ADGRG7: variants seen among roughly 807,000 people sequenced by gnomAD.
ADGRG7 encodes adhesion G protein-coupled receptor G7.
ADGRG7 carries 82 observed loss-of-function variants against 88.6 expected under a neutral mutation model. The ratio of observed to expected loss-of-function variants is 0.93; its 90% CI spans 0.77 to 1.11. ADGRG7 has a LOEUF of 1.11. Ranked by LOEUF, ADGRG7 falls within the 50% of genes most tolerant of loss-of-function variation. ADGRG7 has a pLI of 0.00. For synonymous variants in ADGRG7, 381 were observed against 345.2 expected (o/e 1.10, Z -1.15); for missense variants, 945 against 953.4 (o/e 0.99, Z 0.12).
At chr3:100,621,209 C>T (rs927485044) in intron 1 of ADGRG7, among the ~76,000 whole-genome samples, 26 of 152,164 alleles carry the variant, frequency 1.7e-4, no homozygotes, top group Middle Eastern at 3.4e-3. Context: ...ATTAATAATC[C>T]TACAATGGCC....
At chr3:100,676,918 T>G (rs2094966205) in intron 15 of ADGRG7, among the ~76,000 whole-genome samples, 1 of 152,024 alleles carries the variant, frequency 6.6e-6, no homozygotes, top group Non-Finnish European at 1.5e-5. Flanking sequence ...TAGAGCTACT[T>G]CTGCTCTTTT....
intron 15 of ADGRG7, among the ~76,000 whole-genome samples, chr3:100,679,206 C>G (rs1323922334): frequency 2.6e-5 from 4 of 152,210 alleles, no homozygotes; most frequent in African/African-American, 9.6e-5. Context: ...CATCCCCCAA[C>G]CTTTCCTCAA....
intron 1 of ADGRG7, among the ~76,000 whole-genome samples, chr3:100,611,721 C>T (rs988521441): frequency 1.3e-5 from 2 of 152,130 alleles, no homozygotes; most frequent in Non-Finnish European, 2.9e-5. Flanking sequence ...GGGGTAAACC[C>T]GATGGAAAAG....
rs577079950 is a variant in ADGRG7 at position 100,610,028 on chromosome 3, C to A, written c.115+57C>A. On this transcript the variant is annotated intron_variant, in intron 1 of 15. Coordinates refer to ENST00000273352, the MANE Select transcript of ADGRG7 (RefSeq NM_032787.3). ...TAAGAGAAGGTATGGGACCTCTGTCCCTGCCACCTGGTGCACAAGTACTGG... is the reference window on the plus strand; with the variant it reads ...TAAGAGAAGGTATGGGACCTCTGTCACTGCCACCTGGTGCACAAGTACTGG... 3.0e-4 allele frequency: 413 copies of A among 1,379,810 alleles called. 1 individual carries two copies. In the Middle Eastern group the frequency reaches 3.1e-3, roughly 10 times the overall value. 85.5% of individuals were successfully genotyped at this position (1,379,810 alleles called of 1,614,324 possible). A position where few individuals can be genotyped will look rare whatever the true frequency, so the allele number is the denominator to read the frequency against.
In ADGRG7 at chr3:100,630,797, G is replaced by T. The variant is rs1339989736; in HGVS notation, c.322G>T (p.Asp108Tyr). Residue 108 changes from aspartate to tyrosine, a missense_variant, in exon 3 of 16, where the codon GAT becomes TAT. Physicochemically the swap from Asp to Tyr is radical, Grantham distance 160. Transcript: ENST00000273352. ...ACCATCCTTGCAAACATGTGGCAAG[G>T]ATACTCCAAATGGTATGTGTTTTCC... ...YGPSLQTCGK[D>Y]TPNAGNPMAV... The T allele has an allele frequency of 2.7e-6, 4 of 1,476,104 alleles. No individual in the cohort carries two copies. The highest frequency in any genetic ancestry group is 3.6e-6 in the Non-Finnish European group (4 of 1,113,132). The allele number at this position is 1,476,104 out of a possible 1,614,324, so 91.4% of individuals were successfully genotyped here.
At chr3:100,688,970 A>C (rs1358094676) in intron 15 of ADGRG7, among the ~76,000 whole-genome samples, 2 of 152,178 alleles carry the variant, frequency 1.3e-5, no homozygotes, top group Non-Finnish European at 2.9e-5. Flanking sequence ...TAATGTTGAC[A>C]GTGGGGTGTT....
At chr3:100,660,065 T>C (rs892747420) in intron 14 of ADGRG7, among the ~76,000 whole-genome samples, 1 of 152,228 alleles carries the variant, frequency 6.6e-6, no homozygotes, top group African/African-American at 2.4e-5. Context: ...TTTCCACATC[T>C]GTGGATTCAA....
intron 1 of ADGRG7, among the ~76,000 whole-genome samples, chr3:100,618,136 A>G (rs1452164897): frequency 6.6e-6 from 1 of 152,108 alleles, no homozygotes; most frequent in Non-Finnish European, 1.5e-5. Context: ...AGATGAGTAG[A>G]TTGCAAAAAT....
chr3:100,656,722 A>G (rs1190345995), intron 13 of ADGRG7, among the ~76,000 whole-genome samples: 1 of 152,098 alleles, frequency 6.6e-6, no homozygotes, highest in African/African-American at 2.4e-5. Context: ...GAAGTCCCAA[A>G]CCAACGCAAA....
At position 100,657,578 on chromosome 3, in the gene ADGRG7, G is replaced by A. The variant is rs141702273; in HGVS notation, c.1823+1583G>A. Reference sequence around the variant, plus strand: ...GGTTAACATGGGGAATTATAATTGGGGGGAAATTTTTCAAGTATTGTTTTT... The same window carrying A: ...GGTTAACATGGGGAATTATAATTGGAGGGAAATTTTTCAAGTATTGTTTTT... On this transcript the variant is annotated intron_variant, in intron 13 of 15. Transcript: ENST00000273352. 5.8e-4 allele frequency among the ~76,000 whole-genome samples: 89 copies of A among 152,290 alleles called. 1 individual carries two copies. The East Asian group carries it at 0.016, about 27-fold the overall frequency.
At chr3:100,645,551 T>C (rs1415360851) in intron 8 of ADGRG7, among the ~76,000 whole-genome samples, 1 of 152,220 alleles carries the variant, frequency 6.6e-6, no homozygotes, top group Non-Finnish European at 1.5e-5. Flanking sequence ...TCCTGTCTCA[T>C]ATTTTATCAT....
chr3:100,681,862 C>CT (rs565262414), intron 15 of ADGRG7, among the ~76,000 whole-genome samples: 202 of 152,324 alleles, frequency 1.3e-3, no homozygotes, highest in Non-Finnish European at 2.6e-3. Context: ...CACCACTGAA[C>CT]TACCTGCACA....
intron 1 of ADGRG7, among the ~76,000 whole-genome samples, chr3:100,611,960 A>C (rs192192021): frequency 6.6e-6 from 1 of 152,304 alleles, no homozygotes; most frequent in Non-Finnish European, 1.5e-5. Flanking sequence ...TATAGACATA[A>C]ATTGTTTTTA....
chr3:100,634,027 A>G (rs1707494677), intron 4 of ADGRG7, among the ~76,000 whole-genome samples: 1 of 152,224 alleles, frequency 6.6e-6, no homozygotes, highest in South Asian at 2.1e-4. Context: ...AGAGAAAGAA[A>G]CTATTATCAA....
chr3:100,617,977 C>T (rs551929855), intron 1 of ADGRG7, among the ~76,000 whole-genome samples: 1 of 152,296 alleles, frequency 6.6e-6, no homozygotes, highest in Admixed American at 6.5e-5. Flanking sequence ...TGATGATGAG[C>T]ATTTTTTCAT....
At chr3:100,652,519 G>A (rs757244279) in intron 11 of ADGRG7, among the ~76,000 whole-genome samples, 1 of 152,106 alleles carries the variant, frequency 6.6e-6, no homozygotes, top group African/African-American at 2.4e-5. Context: ...TTTTATTGGC[G>A]AGGAACTGTC....
chr3:100,662,913 C>T (rs1246851006), intron 14 of ADGRG7, among the ~76,000 whole-genome samples: 3 of 152,000 alleles, frequency 2.0e-5, no homozygotes, highest in Non-Finnish European at 2.9e-5. Context: ...AAGAACAATG[C>T]AAAATTTAGT....
At chr3:100,624,340 T>C (rs1357447211) in intron 1 of ADGRG7, among the ~76,000 whole-genome samples, 1 of 152,226 alleles carries the variant, frequency 6.6e-6, no homozygotes, top group African/African-American at 2.4e-5. Flanking sequence ...AAATGTCTTC[T>C]TTTGAGAAGT....
chr3:100,685,578 T>C (rs1015815274), intron 15 of ADGRG7, among the ~76,000 whole-genome samples: 1 of 152,122 alleles, frequency 6.6e-6, no homozygotes, highest in African/African-American at 2.4e-5. Context: ...TCTGTGTCCA[T>C]GTGTTCTCAT....
Sources: allele counts gnomAD v4.1 joint callset (sites outside exome capture counted in the v4.1 genomes callset), GRCh38; gene constraint gnomAD v4.1.1; transcripts MANE v1.5; gene names NCBI Gene and HGNC (gene_info 2026-07-23, HGNC 2026-07-21).